The following MCOLN2 variants were observed in gnomAD, a reference collection of about 807,000 sequenced individuals.
The protein encoded by MCOLN2 is mucolipin-2.
A neutral mutation model predicts 67.5 loss-of-function variants in MCOLN2; 57 were observed. That is an observed-to-expected ratio of 0.84 (90% confidence interval 0.68 to 1.05). The LOEUF is 1.05. Among genes scored for constraint, MCOLN2 ranks in the 50% least tolerant of loss-of-function variants. The pLI, the probability that MCOLN2 is intolerant of heterozygous loss-of-function variation, is 0.00. For synonymous variants in MCOLN2, 246 were observed against 233.3 expected (o/e 1.05, Z -0.50); for missense variants, 620 against 678.8 (o/e 0.91, Z 0.96).
intron 7 of MCOLN2, among the ~76,000 whole-genome samples, chr1:84,945,494 G>C (rs1242876608): frequency 1.3e-5 from 2 of 152,040 alleles, no homozygotes; most frequent in Non-Finnish European, 2.9e-5. Context: ...CAATCGTCAG[G>C]ACATATTATA....
chr1:84,980,402 G>A (rs1441475186), intron 1 of MCOLN2, among the ~76,000 whole-genome samples: 2 of 152,104 alleles, frequency 1.3e-5, no homozygotes, highest in African/African-American at 4.8e-5. Flanking sequence ...CACATTATCT[G>A]ACTTCAAAAT....
intron 12 of MCOLN2, among the ~76,000 whole-genome samples, chr1:84,930,587 G>T (rs1004136526): frequency 3.9e-5 from 6 of 152,082 alleles, no homozygotes; most frequent in Non-Finnish European, 8.8e-5. Flanking sequence ...TGCAAACCCT[G>T]ATGCGAGAGG....
At position 84,976,820 on chromosome 1, in the gene MCOLN2, C is replaced by T. The variant is rs1309828393; in HGVS notation, c.78-11112G>A. Among the ~76,000 whole-genome samples the T allele has an allele frequency of 3.3e-5, 5 of 152,100 alleles. No individual in the cohort carries two copies. In the South Asian group the frequency reaches 1.0e-3, roughly 32 times the overall value. On this transcript the variant is annotated intron_variant, in intron 1 of 13. Coordinates refer to ENST00000370608, the MANE Select transcript of MCOLN2 (RefSeq NM_153259.4). ...GCTGAGGGATTTCATCAACACCAGA[C>T]CTGTCCTACAAAAAATGCTGAAGAG...
intron 7 of MCOLN2, among the ~76,000 whole-genome samples, chr1:84,941,510 A>G (rs1400480668): frequency 6.6e-6 from 1 of 152,210 alleles, no homozygotes; most frequent in East Asian, 1.9e-4. Flanking sequence ...ACAAAAAACA[A>G]AAAACAAAAA....
At chr1:84,978,562 A>C (rs2486755) in intron 1 of MCOLN2, among the ~76,000 whole-genome samples, 74,675 of 151,912 alleles carry the variant, frequency 0.49, 18,582 homozygotes, top group East Asian at 0.64. Context: ...TCACATCATT[A>C]TTGGATACTA....
At chr1:84,972,977 G>A (rs1035448774) in intron 1 of MCOLN2, among the ~76,000 whole-genome samples, 2 of 152,154 alleles carry the variant, frequency 1.3e-5, no homozygotes, top group African/African-American at 4.8e-5. Flanking sequence ...CAAGGGGCCT[G>A]AAAGTTGTTT....
At chr1:84,977,737 G>T (rs495786) in intron 1 of MCOLN2, among the ~76,000 whole-genome samples, 74,743 of 151,962 alleles carry the variant, frequency 0.49, 18,597 homozygotes, top group East Asian at 0.64. Flanking sequence ...CCCAGATATA[G>T]AAAGCAAATA....
intron 11 of MCOLN2, among the ~76,000 whole-genome samples, chr1:84,935,015 A>G (rs752249362): frequency 3.3e-5 from 5 of 152,210 alleles, no homozygotes; most frequent in African/African-American, 9.6e-5. Flanking sequence ...AGCTTTCACA[A>G]TCAAGGTTGC....
chr1:84,939,590 A>G lies in MCOLN2; in HGVS notation c.1073T>C (p.Ile358Thr). The change falls in exon 9 of 14, where the codon ATC becomes ACC. Residue 358 changes from isoleucine (I) to threonine (T), a missense_variant. Physicochemically the swap from Ile to Thr is moderately conservative, Grantham distance 89. Coordinates refer to ENST00000370608, the MANE Select transcript of MCOLN2 (RefSeq NM_153259.4). ...TTCCATTTTTAATATGGAGCCAATG[A>G]TTGTCATTAGGTCGCTGATAATCAC... is the stretch of plus-strand genomic sequence containing the variant. ...VLVIISDLMTIIGSILKMEIK... is the reference protein window; with the variant it reads ...VLVIISDLMTTIGSILKMEIK... 1.2e-6 allele frequency: 2 copies of G among 1,614,052 alleles called. No homozygotes were observed. The highest frequency in any genetic ancestry group is 1.6e-4 in the Middle Eastern group (1 of 6,062).
At chr1:84,996,746 G>A in intron 1 of MCOLN2, 50 bp downstream of exon 1, 2 of 1,536,864 alleles carry the variant, frequency 1.3e-6, no homozygotes, top group Middle Eastern at 1.7e-4. Flanking sequence ...TCGACTTTAG[G>A]AAGATTTCTC....
intron 8 of MCOLN2, among the ~76,000 whole-genome samples, chr1:84,939,925 G>A (rs746890452): frequency 1.3e-5 from 2 of 152,020 alleles, no homozygotes; most frequent in Non-Finnish European, 1.5e-5. Flanking sequence ...ATACGTACGC[G>A]GTAACTCCAG....
intron 1 of MCOLN2, among the ~76,000 whole-genome samples, chr1:84,993,595 C>A (rs1650997544): frequency 6.9e-6 from 1 of 145,024 alleles, no homozygotes; most frequent in African/African-American, 2.5e-5. Context: ...TATAATGTTA[C>A]AAAATGTAGT....
intron 1 of MCOLN2, among the ~76,000 whole-genome samples, chr1:84,987,258 C>T (rs914133606): frequency 2.0e-4 from 6 of 30,450 alleles, no homozygotes; most frequent in African/African-American, 3.7e-4. Context: ...TATAGATATA[C>T]ATATAGATGT....
At chr1:84,990,572 G>C (rs1392735057) in intron 1 of MCOLN2, among the ~76,000 whole-genome samples, 1 of 152,002 alleles carries the variant, frequency 6.6e-6, no homozygotes, top group Non-Finnish European at 1.5e-5. Context: ...ATAACATATT[G>C]TAATTTTTTT....
intron 1 of MCOLN2, among the ~76,000 whole-genome samples, chr1:84,987,408 T>C (rs1225440662): frequency 8.7e-6 from 1 of 115,410 alleles, no homozygotes; most frequent in Non-Finnish European, 1.7e-5. Context: ...ATAGATATAT[T>C]TATATATGTA....
chr1:84,950,822 A>C (rs773660659), intron 6 of MCOLN2, among the ~76,000 whole-genome samples: 4 of 152,172 alleles, frequency 2.6e-5, no homozygotes, highest in Non-Finnish European at 5.9e-5. Flanking sequence ...TCATTTCTAT[A>C]CCTGTAAGTT....
At chr1:84,991,486 G>A (rs1650889266) in intron 1 of MCOLN2, among the ~76,000 whole-genome samples, 1 of 152,152 alleles carries the variant, frequency 6.6e-6, no homozygotes, top group Non-Finnish European at 1.5e-5. Flanking sequence ...GCAGGCAGAT[G>A]TCAATTAAGT....
At chr1:84,945,366 T>TC (rs149970141) in intron 7 of MCOLN2, among the ~76,000 whole-genome samples, 11,213 of 152,242 alleles carry the variant, frequency 0.074, 594 homozygotes, top group African/African-American at 0.15. Flanking sequence ...ATGCCCCTGA[T>TC]CTCTGCGTAT....
chr1:84,975,486 C>T (rs1298293177), intron 1 of MCOLN2, among the ~76,000 whole-genome samples: 1 of 152,138 alleles, frequency 6.6e-6, no homozygotes, highest in African/African-American at 2.4e-5. Flanking sequence ...CTTGGGGTGC[C>T]CTCCAAAGCA....
Sources: allele counts gnomAD v4.1 joint callset (sites outside exome capture counted in the v4.1 genomes callset), GRCh38; gene constraint gnomAD v4.1.1; transcripts MANE v1.5; gene names NCBI Gene and HGNC (gene_info 2026-07-23, HGNC 2026-07-21).